CSMD1: variants seen among roughly 807,000 people sequenced by gnomAD.
CSMD1 encodes CUB and sushi domain-containing protein 1.
A neutral mutation model predicts 417.5 loss-of-function variants in CSMD1; 213 were observed. That is an observed-to-expected ratio of 0.51 (90% CI 0.46 to 0.57). The LOEUF (loss-of-function observed/expected upper bound fraction) is 0.57, where lower values mean the gene tolerates loss of function less well. Ranked by LOEUF, CSMD1 falls within the 20% of genes least tolerant of loss-of-function variation. CSMD1 has a pLI of 0.00. For synonymous variants in CSMD1, 2,862 were observed against 1,736.8 expected (o/e 1.65, Z -16.11); for missense variants, 6,923 against 4,529.7 (o/e 1.53, Z -15.17).
At chr8:3,980,001 G>A (rs532277855) in intron 5 of CSMD1, among the ~76,000 whole-genome samples, 16 of 152,314 alleles carry the variant, frequency 1.1e-4, no homozygotes, top group East Asian at 5.8e-4. Context: ...ACAACTCACA[G>A]ATACTTCAAA....
chr8:3,511,509 C>G (rs890414533), intron 10 of CSMD1, among the ~76,000 whole-genome samples: 1 of 151,674 alleles, frequency 6.6e-6, no homozygotes, highest in African/African-American at 2.4e-5. Context: ...AATCCCTGCA[C>G]TTTGGGAGGC....
chr8:3,288,234 T>C (rs1486109378), intron 25 of CSMD1, among the ~76,000 whole-genome samples: 1 of 147,368 alleles, frequency 6.8e-6, no homozygotes, highest in Non-Finnish European at 1.5e-5. Flanking sequence ...TTTGCATCGA[T>C]GTTCATCAGG....
chr8:4,498,665 G>C (rs1275260625), intron 2 of CSMD1, among the ~76,000 whole-genome samples: 3 of 152,278 alleles, frequency 2.0e-5, no homozygotes, highest in South Asian at 2.1e-4. Flanking sequence ...CAAAGAGGGA[G>C]CTCATGTTTA....
intron 2 of CSMD1, among the ~76,000 whole-genome samples, chr8:4,553,470 C>A (rs1266157338): frequency 6.9e-6 from 1 of 143,908 alleles, no homozygotes. Context: ...CAAATGAAAG[C>A]AAACCATTTT....
At chr8:3,917,476 G>A (rs989586215) in intron 5 of CSMD1, among the ~76,000 whole-genome samples, 5 of 151,906 alleles carry the variant, frequency 3.3e-5, no homozygotes, top group African/African-American at 1.2e-4. Context: ...CTGCTACTAT[G>A]GCTGAAAGTT....
At chr8:3,597,920 G>T (rs948829533) in intron 8 of CSMD1, among the ~76,000 whole-genome samples, 7 of 152,114 alleles carry the variant, frequency 4.6e-5, no homozygotes, top group Admixed American at 1.3e-4. Flanking sequence ...AACCAACATG[G>T]CACATATATA....
intron 7 of CSMD1, among the ~76,000 whole-genome samples, chr8:3,680,041 T>C (rs945434212): frequency 6.6e-6 from 1 of 151,148 alleles, no homozygotes; most frequent in Non-Finnish European, 1.5e-5. Context: ...AAGCAGTGTG[T>C]AGAGGAAAAT....
chr8:3,230,211 T>A lies in CSMD1; in HGVS notation c.4174A>T (p.Asn1392Tyr). 6.3e-7 allele frequency: 1 copy of A among 1,593,406 alleles called. No individual in the cohort carries two copies. Among genetic ancestry groups the A allele is most frequent in the South Asian group, 1.1e-5 (1 of 88,092 alleles). Reference protein sequence around the residue: ...QFSTSIAATCNDPGMPQNGTR... With the variant: ...QFSTSIAATCYDPGMPQNGTR... ...CCATTTTGGGGCATACCTGGATCGT[T>A]ACAGGTGGCTGCAATTGAGGCTGCA... Residue 1392 changes from asparagine to tyrosine, a missense_variant, in exon 27 of 70, where the codon AAC (asparagine) becomes TAC (tyrosine). By Grantham distance (143) the Asn-to-Tyr change is moderately radical. Transcript: ENST00000635120.
intron 6 of CSMD1, among the ~76,000 whole-genome samples, chr8:3,718,191 C>A (rs1244132885): frequency 6.6e-6 from 1 of 152,112 alleles, no homozygotes; most frequent in African/African-American, 2.4e-5. Flanking sequence ...GTTGTTAGTA[C>A]AATAACTCTT....
At chr8:4,991,176 A>G (rs1349814230) in intron 1 of CSMD1, among the ~76,000 whole-genome samples, 1 of 152,192 alleles carries the variant, frequency 6.6e-6, no homozygotes. Context: ...AAAGGGGCAG[A>G]TACGAGCCAG....
At chr8:4,453,137 C>A (rs1215718303) in intron 2 of CSMD1, among the ~76,000 whole-genome samples, 1 of 151,936 alleles carries the variant, frequency 6.6e-6, no homozygotes, top group Non-Finnish European at 1.5e-5. Context: ...CATGTGTCAC[C>A]AATTTGAGGC....
At chr8:3,712,588 C>T (rs936470883) in intron 6 of CSMD1, among the ~76,000 whole-genome samples, 1 of 152,258 alleles carries the variant, frequency 6.6e-6, no homozygotes, top group Non-Finnish European at 1.5e-5. Context: ...AAAAATATTT[C>T]GTGATTGATG....
At chr8:4,111,138 G>A (rs1013403175) in intron 3 of CSMD1, among the ~76,000 whole-genome samples, 3 of 152,146 alleles carry the variant, frequency 2.0e-5, no homozygotes, top group East Asian at 1.9e-4. Flanking sequence ...GGTTTGGTTC[G>A]TACACTCTAA....
intron 5 of CSMD1, among the ~76,000 whole-genome samples, chr8:3,764,908 G>A (rs989166928): frequency 6.6e-6 from 1 of 151,832 alleles, no homozygotes. Context: ...ACCACACCCA[G>A]CTCATTTTCG....
intron 3 of CSMD1, among the ~76,000 whole-genome samples, chr8:4,120,161 C>T (rs189680193): frequency 3.0e-4 from 45 of 152,162 alleles, no homozygotes; most frequent in African/African-American, 9.4e-4. Flanking sequence ...AAACATCTCA[C>T]GTACCCCATA....
intron 49 of CSMD1, among the ~76,000 whole-genome samples, chr8:3,076,733 A>T (rs1208290102): frequency 6.6e-6 from 1 of 152,164 alleles, no homozygotes; most frequent in Non-Finnish European, 1.5e-5. Flanking sequence ...AGCCAAATTC[A>T]TTTCTCCATA....
chr8:4,150,668 A>T (rs1024011507), intron 3 of CSMD1, among the ~76,000 whole-genome samples: 1 of 152,196 alleles, frequency 6.6e-6, no homozygotes, highest in African/African-American at 2.4e-5. Flanking sequence ...TAGGGTGCAG[A>T]TAAGGAGTGT....
intron 1 of CSMD1, among the ~76,000 whole-genome samples, chr8:4,849,912 T>C (rs985547321): frequency 3.9e-5 from 6 of 152,244 alleles, no homozygotes; most frequent in Non-Finnish European, 1.5e-5. Context: ...TTCTCGATTA[T>C]ATTATGATGC....
At chr8:4,049,194 G>C (rs374458775) in intron 3 of CSMD1, among the ~76,000 whole-genome samples, 1 of 151,816 alleles carries the variant, frequency 6.6e-6, no homozygotes, top group Non-Finnish European at 1.5e-5. Flanking sequence ...TAGGTGTTGC[G>C]TCTTTCTCTA....
Sources: allele counts gnomAD v4.1 joint callset (sites outside exome capture counted in the v4.1 genomes callset), GRCh38; gene constraint gnomAD v4.1.1; transcripts MANE v1.5; gene names NCBI Gene and HGNC (gene_info 2026-07-23, HGNC 2026-07-21).